The following NTM variants were observed in gnomAD, a reference collection of about 807,000 sequenced individuals.
NTM encodes the protein neurotrimin, also known as IgLON family member 2.
Under a neutral mutation model 42.1 loss-of-function variants are expected in NTM, and 13 were observed. The ratio of observed to expected loss-of-function variants is 0.31; its 90% CI spans 0.20 to 0.49. The LOEUF (loss-of-function observed/expected upper bound fraction) is 0.49. Among genes scored for constraint, NTM ranks in the 20% least tolerant of loss-of-function variants. The pLI is 0.99. For synonymous variants in NTM, 187 were observed against 179.2 expected (o/e 1.04, Z -0.35); for missense variants, 373 against 452.8 (o/e 0.82, Z 1.60).
chr11:131,639,985 A>G lies in NTM; in HGVS notation c.82+269097A>G, dbSNP rs150927561. Among the ~76,000 whole-genome samples, 396 of 150,162 alleles carry G rather than the reference A, an allele frequency of 2.6e-3. 4 individuals carry two copies. Among genetic ancestry groups the G allele is most frequent in the African/African-American group, 9.5e-3 (378 of 39,946 alleles). On this transcript the variant is annotated intron_variant, in intron 1 of 8. Transcript: ENST00000683400. ...AATAAAAATAAAAATAAATAATAAA[A>G]TAAAAATAAATAAATAAAAAAAAAG...
intron 1 of NTM, among the ~76,000 whole-genome samples, chr11:131,602,360 G>A (rs965949508): frequency 2.0e-5 from 3 of 152,186 alleles, no homozygotes; most frequent in African/African-American, 7.2e-5. Flanking sequence ...CCTGGTCTGG[G>A]TGGTTAATAC....
At chr11:132,216,867 G>T (rs568559122) in intron 4 of NTM, among the ~76,000 whole-genome samples, 1 of 152,180 alleles carries the variant, frequency 6.6e-6, no homozygotes, top group Admixed American at 6.5e-5. Flanking sequence ...TCTGGCTGGC[G>T]AGTCTCCAGG....
intron 2 of NTM, among the ~76,000 whole-genome samples, chr11:132,138,125 T>TA (rs2068308237): frequency 1.3e-5 from 2 of 152,120 alleles, no homozygotes. Context: ...CCTCAACACT[T>TA]ACCAAGATCC....
At chr11:131,901,590 C>T (rs528869138) in intron 1 of NTM, among the ~76,000 whole-genome samples, 35 of 151,710 alleles carry the variant, frequency 2.3e-4, no homozygotes, top group Non-Finnish European at 4.1e-4. Context: ...TAATACTTGG[C>T]CATATAGAAA....
At chr11:131,938,027 T>G (rs1415897659) in intron 2 of NTM, among the ~76,000 whole-genome samples, 3 of 152,212 alleles carry the variant, frequency 2.0e-5, no homozygotes, top group Non-Finnish European at 4.4e-5. Context: ...CATCATTTGT[T>G]CATTCCTTCA....
intron 1 of NTM, among the ~76,000 whole-genome samples, chr11:131,784,146 A>AGG: frequency 6.6e-6 from 1 of 152,306 alleles, no homozygotes; most frequent in East Asian, 1.9e-4. Flanking sequence ...GAAAGTGTTA[A>AGG]GGAGGATGTG....
chr11:131,857,514 C>T (rs1025063176), intron 1 of NTM, among the ~76,000 whole-genome samples: 2 of 152,168 alleles, frequency 1.3e-5, no homozygotes, highest in African/African-American at 4.8e-5. Context: ...TTTCATCTGG[C>T]AGTGAAAATG....
intron 1 of NTM, among the ~76,000 whole-genome samples, chr11:131,386,823 CT>C (rs1332767523): frequency 1.3e-5 from 2 of 152,214 alleles, no homozygotes; most frequent in Admixed American, 6.5e-5. Flanking sequence ...TGGACTTTAA[CT>C]AAAAATATAA....
At chr11:131,386,547 G>A (rs1943338336) in intron 1 of NTM, among the ~76,000 whole-genome samples, 1 of 152,244 alleles carries the variant, frequency 6.6e-6, no homozygotes, top group African/African-American at 2.4e-5. Context: ...GCAGGTAAAT[G>A]TGTAAGCTTG....
intron 1 of NTM, among the ~76,000 whole-genome samples, chr11:131,852,860 A>G (rs2045707052): frequency 1.4e-5 from 2 of 147,964 alleles, no homozygotes; most frequent in African/African-American, 5.1e-5. Flanking sequence ...CCATCCATCT[A>G]TCCATCCATC....
chr11:131,951,223 A>C (rs898221557), intron 2 of NTM, among the ~76,000 whole-genome samples: 12 of 152,184 alleles, frequency 7.9e-5, no homozygotes, highest in Non-Finnish European at 1.6e-4. Context: ...CTCTTAGTGT[A>C]ACAGTATGTC....
chr11:131,580,343 G>A (rs932118067), intron 1 of NTM, among the ~76,000 whole-genome samples: 5 of 152,090 alleles, frequency 3.3e-5, no homozygotes, highest in Non-Finnish European at 7.4e-5. Flanking sequence ...CCACATTACG[G>A]TATATGGCTG....
intron 2 of NTM, among the ~76,000 whole-genome samples, chr11:132,122,050 C>T (rs2064925889): frequency 2.6e-5 from 4 of 152,210 alleles, no homozygotes; most frequent in Admixed American, 2.6e-4. Context: ...AGCACCTAAA[C>T]TGCCTATTAA....
intron 1 of NTM, among the ~76,000 whole-genome samples, chr11:131,895,450 A>G (rs1565692249): frequency 6.6e-6 from 1 of 152,082 alleles, no homozygotes; most frequent in Non-Finnish European, 1.5e-5. Context: ...AGGTCATTTT[A>G]TTTCAATGGA....
At chr11:132,272,284 A>G (rs548054287) in intron 4 of NTM, among the ~76,000 whole-genome samples, 151 of 152,216 alleles carry the variant, frequency 9.9e-4, no homozygotes, top group Non-Finnish European at 1.8e-3. Flanking sequence ...CTGTAGCTTT[A>G]TAGTGATATT....
intron 1 of NTM, among the ~76,000 whole-genome samples, chr11:131,866,593 T>C (rs543878960): frequency 5.9e-5 from 9 of 152,338 alleles, no homozygotes; most frequent in South Asian, 2.1e-4. Flanking sequence ...TGCAAATCTA[T>C]ATGGACTAAA....
intron 1 of NTM, among the ~76,000 whole-genome samples, chr11:131,740,103 A>T (rs1398780136): frequency 6.6e-6 from 1 of 152,182 alleles, no homozygotes; most frequent in East Asian, 1.9e-4. Context: ...CTTATTTACA[A>T]TACTGGGATA....
chr11:131,979,668 T>G (rs2064950190), intron 2 of NTM, among the ~76,000 whole-genome samples: 1 of 152,206 alleles, frequency 6.6e-6, no homozygotes, highest in African/African-American at 2.4e-5. Context: ...GCCACTTGCC[T>G]CACTATTAAC....
chr11:131,832,416 G>T (rs1341221005), intron 1 of NTM, among the ~76,000 whole-genome samples: 1 of 152,082 alleles, frequency 6.6e-6, no homozygotes, highest in Non-Finnish European at 1.5e-5. Context: ...GCTTTGACCT[G>T]TATATTTGTT....
Sources: gnomAD v4.1 joint callset for allele counts (sites outside exome capture counted in the v4.1 genomes callset) on GRCh38, gnomAD v4.1.1 for gene constraint, MANE v1.5 for transcripts, NCBI Gene and HGNC (gene_info 2026-07-23, HGNC 2026-07-21) for gene names.